MSRB3: variants seen among roughly 807,000 people sequenced by gnomAD.
The protein encoded by MSRB3 is methionine sulfoxide reductase B3.
A neutral mutation model predicts 21.0 loss-of-function variants in MSRB3; 13 were observed. The observed-to-expected ratio is 0.62, with a 90% CI of 0.40 to 0.98. The LOEUF (loss-of-function observed/expected upper bound fraction) is 0.98, where lower values mean the gene tolerates loss of function less well. Among genes scored for constraint, MSRB3 ranks in the 50% least tolerant of loss-of-function variants. MSRB3 has a pLI of 0.00. For synonymous variants in MSRB3, 87 were observed against 88.6 expected (o/e 0.98, Z 0.10); for missense variants, 199 against 230.3 (o/e 0.86, Z 0.88).
At chr12:65,428,377 AT>A (rs1182922655) in intron 5 of MSRB3, among the ~76,000 whole-genome samples, 1 of 151,682 alleles carries the variant, frequency 6.6e-6, no homozygotes, top group Non-Finnish European at 1.5e-5. Flanking sequence ...CTCTGGGGTT[AT>A]TTTGTTTGGA....
chr12:65,444,049 T>C (rs1438312752), intron 5 of MSRB3, among the ~76,000 whole-genome samples: 2 of 152,182 alleles, frequency 1.3e-5, no homozygotes, highest in African/African-American at 4.8e-5. Context: ...GTGTTGAAGT[T>C]GTAGTAGTTA....
intron 5 of MSRB3, among the ~76,000 whole-genome samples, chr12:65,414,528 G>A (rs557779255): frequency 4.6e-5 from 7 of 152,254 alleles, no homozygotes; most frequent in African/African-American, 9.6e-5. Flanking sequence ...GCAACATGCC[G>A]TGCAGGTTTG....
intron 5 of MSRB3, among the ~76,000 whole-genome samples, chr12:65,409,070 C>G (rs1880575263): frequency 6.6e-6 from 1 of 152,012 alleles, no homozygotes; most frequent in African/African-American, 2.4e-5. Flanking sequence ...AACTCTTAAA[C>G]TTGCTCACAC....
chr12:65,408,234 A>G (rs773750513), intron 5 of MSRB3, among the ~76,000 whole-genome samples: 15 of 152,086 alleles, frequency 9.9e-5, no homozygotes, highest in Admixed American at 7.9e-4. Flanking sequence ...AGCTGGGATT[A>G]CAGATGCCTG....
At chr12:65,429,935 A>G (rs1333706170) in intron 5 of MSRB3, among the ~76,000 whole-genome samples, 1 of 152,180 alleles carries the variant, frequency 6.6e-6, no homozygotes. Context: ...ATTTCCAGTG[A>G]CCAGTTCAGT....
chr12:65,296,116 T>A (rs1008311757), intron 1 of MSRB3, among the ~76,000 whole-genome samples: 3 of 152,252 alleles, frequency 2.0e-5, no homozygotes, highest in Admixed American at 2.0e-4. Flanking sequence ...TCTATATGAT[T>A]CATTGAAATA....
rs1340397772 is a variant in MSRB3, at chr12:65,465,398, A to G, written c.*2076A>G. ...TATTTTTGTAACTCTTTGAAAGTTT[A>G]TGAAGACTGACAGCTTTCCTTGTAA... is the stretch of plus-strand genomic sequence containing the variant. On this transcript the variant is annotated 3_prime_UTR_variant, in exon 7 of 7. Coordinates refer to ENST00000308259, the MANE Select transcript of MSRB3 (RefSeq NM_001031679.3). 1 of 152,234 alleles carries G rather than the reference A, an allele frequency of 6.6e-6. No homozygotes were observed. Among genetic ancestry groups the G allele is most frequent in the Non-Finnish European group, 1.5e-5 (1 of 68,042 alleles). 9.4% of individuals were successfully genotyped at this position (152,234 alleles called of 1,614,324 possible). A position where few individuals can be genotyped will look rare whatever the true frequency, so the allele number is the denominator to read the frequency against.
chr12:65,331,483 G>A (rs1875415329), intron 4 of MSRB3, among the ~76,000 whole-genome samples: 2 of 152,212 alleles, frequency 1.3e-5, no homozygotes, highest in African/African-American at 4.8e-5. Context: ...CAGCAGAGAA[G>A]TTGTTATGGT....
At chr12:65,376,321 G>A (rs1433510820) in intron 5 of MSRB3, among the ~76,000 whole-genome samples, 8 of 151,850 alleles carry the variant, frequency 5.3e-5, no homozygotes, top group Non-Finnish European at 8.8e-5. Flanking sequence ...GGGTTTCACC[G>A]TGTTAGCCAG....
chr12:65,427,995 G>A (rs537696817), intron 5 of MSRB3, among the ~76,000 whole-genome samples: 37 of 152,340 alleles, frequency 2.4e-4, no homozygotes, highest in African/African-American at 8.2e-4. Flanking sequence ...CTCAAGAGGT[G>A]TCCAGAGTTG....
chr12:65,356,499 G>T (rs1315867813), intron 4 of MSRB3, among the ~76,000 whole-genome samples: 1 of 151,800 alleles, frequency 6.6e-6, no homozygotes. Flanking sequence ...TTGAGGAACT[G>T]GTGGTATTTG....
chr12:65,431,897 A>C (rs1881895341), intron 5 of MSRB3, among the ~76,000 whole-genome samples: 1 of 152,104 alleles, frequency 6.6e-6, no homozygotes, highest in Non-Finnish European at 1.5e-5. Flanking sequence ...ATTTGGCTAC[A>C]TTCAAACAGC....
intron 5 of MSRB3, among the ~76,000 whole-genome samples, chr12:65,390,087 T>C (rs554505555): frequency 3.2e-4 from 49 of 152,336 alleles, no homozygotes; most frequent in African/African-American, 1.1e-3. Context: ...TTCTATATGC[T>C]TGGAGGAAGA....
chr12:65,405,769 C>G lies in MSRB3; in HGVS notation c.292+36743C>G, dbSNP rs143896558. On this transcript the variant is annotated intron_variant, in intron 5 of 6. Coordinates refer to ENST00000308259, the MANE Select transcript of MSRB3 (RefSeq NM_001031679.3). ...TTATCTTTCACCTTCTTGATAATAG[C>G]CATCCTAGCAGGTATGAGATGATAT... 7.9e-5 allele frequency among the ~76,000 whole-genome samples: 12 copies of G among 152,194 alleles called. No homozygotes were observed. The East Asian group carries it at 2.3e-3, about 29-fold the overall frequency.
intron 5 of MSRB3, among the ~76,000 whole-genome samples, chr12:65,391,126 T>C (rs988356180): frequency 4.6e-5 from 7 of 152,148 alleles, no homozygotes; most frequent in African/African-American, 1.7e-4. Context: ...GATAGGAACA[T>C]GTTGACCTGC....
At chr12:65,441,535 T>C (rs1054241973) in intron 5 of MSRB3, among the ~76,000 whole-genome samples, 1 of 152,024 alleles carries the variant, frequency 6.6e-6, no homozygotes, top group African/African-American at 2.4e-5. Flanking sequence ...GGAACGTATA[T>C]AGAAAATTCA....
intron 4 of MSRB3, among the ~76,000 whole-genome samples, chr12:65,355,222 G>A (rs187542293): frequency 1.3e-5 from 2 of 151,796 alleles, no homozygotes; most frequent in East Asian, 1.9e-4. Flanking sequence ...TCAGTATTCC[G>A]TTTTTTGGAT....
intron 6 of MSRB3, among the ~76,000 whole-genome samples, chr12:65,459,106 T>C (rs1883211738): frequency 7.8e-6 from 1 of 128,070 alleles, no homozygotes; most frequent in Non-Finnish European, 1.9e-5. Flanking sequence ...CACTTAACTT[T>C]TTGTAATATT....
intron 5 of MSRB3, among the ~76,000 whole-genome samples, chr12:65,383,699 C>T (rs1258536781): frequency 4.8e-5 from 7 of 146,802 alleles, no homozygotes; most frequent in African/African-American, 1.0e-4. Context: ...CTCACTCTGT[C>T]GCCTGGGCTA....
Sources: gnomAD v4.1 joint callset for allele counts (sites outside exome capture counted in the v4.1 genomes callset) on GRCh38, gnomAD v4.1.1 for gene constraint, MANE v1.5 for transcripts, NCBI Gene and HGNC (gene_info 2026-07-23, HGNC 2026-07-21) for gene names.